The following RPL22L1 variants were observed in gnomAD, a reference collection of about 807,000 sequenced individuals.
RPL22L1 encodes ribosomal protein eL22-like.
A neutral mutation model predicts 17.3 loss-of-function variants in RPL22L1; 19 were observed. The ratio of observed to expected loss-of-function variants is 1.10; its 90% CI spans 0.77 to 1.61. The LOEUF is 1.61. Among genes scored for constraint, RPL22L1 ranks in the 40% most tolerant of loss-of-function variants. RPL22L1 has a pLI of 0.00. For synonymous variants in RPL22L1, 48 were observed against 48.5 expected, an observed-to-expected ratio of 0.99 and a Z score of 0.05; for missense variants, 139 against 144.4, an observed-to-expected ratio of 0.96 and a Z score of 0.19.
chr3:170,868,708 C>T (rs1711866033), intron 1 of RPL22L1, among the ~76,000 whole-genome samples: 1 of 151,138 alleles, frequency 6.6e-6, no homozygotes, highest in Non-Finnish European at 1.5e-5. Flanking sequence ...ACTGCCTAGC[C>T]CAAGCTCAGG....
intron 1 of RPL22L1, 62 bp downstream of exon 1, chr3:170,870,097 T>C: frequency 6.2e-7 from 1 of 1,612,796 alleles, no homozygotes; most frequent in East Asian, 2.2e-5. Flanking sequence ...GATGCAAAAA[T>C]CGTTACAGCG....
chr3:170,866,371 A>C lies in RPL22L1; in HGVS notation c.*9T>G. The C allele has an allele frequency of 6.3e-7, 1 of 1,594,500 alleles. No individual in the cohort carries two copies. Among genetic ancestry groups the C allele is most frequent in the Middle Eastern group, 1.7e-4 (1 of 6,002 alleles). On this transcript the variant is annotated 3_prime_UTR_variant, in exon 4 of 4. Coordinates refer to ENST00000295830, the MANE Select transcript of RPL22L1 (RefSeq NM_001099645.2). The stretch of plus-strand genomic sequence containing the variant: ...TTAATAAGCAAAGCCCTGTAAGGGG[A>C]GCCTTTGCCTAGTCCTCCGACTCTG...
At chr3:170,868,261 C>CCATTATCAAAA in intron 2 of RPL22L1, 37 bp downstream of exon 2, 2 of 1,501,946 alleles carry the variant, frequency 1.3e-6, no homozygotes, top group South Asian at 2.3e-5. Flanking sequence ...ATCAATAACT[C>CCATTATCAAAA]TGATTACAAA....
intron 3 of RPL22L1, 102 bp from the exon 4 acceptor site, chr3:170,866,626 C>A: frequency 1.2e-6 from 1 of 807,098 alleles, no homozygotes. Flanking sequence ...CTTTTCTGTA[C>A]CTAGCTTCCT....
chr3:170,866,067 C>G lies in RPL22L1; in HGVS notation c.*313G>C, dbSNP rs1417619978. 5.9e-6 allele frequency: 1 copy of G among 168,702 alleles called. No individual in the cohort carries two copies. Among genetic ancestry groups the G allele is most frequent in the East Asian group, 1.6e-4 (1 of 6,222 alleles). The allele number at this position is 168,702 out of a possible 1,614,324, so 10.5% of individuals were successfully genotyped here. A position where few individuals can be genotyped will look rare whatever the true frequency, so the allele number is the denominator to read the frequency against. On this transcript the variant is annotated 3_prime_UTR_variant, in exon 4 of 4. Transcript: ENST00000295830. The stretch of plus-strand genomic sequence containing the variant: ...CTATTTAGGAAGCTGAGTCACTGCA[C>G]TCCAGCCTGGGTGACAGAACGAGAG...
chr3:170,865,638 A>G lies in RPL22L1; in HGVS notation c.*742T>C, dbSNP rs921798958. 5 of 152,216 alleles carry G rather than the reference A, an allele frequency of 3.3e-5. No individual in the cohort carries two copies. Among genetic ancestry groups the G allele is most frequent in the African/African-American group, 1.2e-4 (5 of 41,446 alleles). 9.4% of individuals were successfully genotyped at this position (152,216 alleles called of 1,614,324 possible). ...TTGGTTTTGAGTTTCTGGTGCCTAC[A>G]AAGCAGGTGGTTAGGGCTTTCTAAT... On this transcript the variant is annotated 3_prime_UTR_variant, in exon 4 of 4. Coordinates refer to ENST00000295830, the MANE Select transcript of RPL22L1 (RefSeq NM_001099645.2).
chr3:170,867,867 A>G (rs1711828678), intron 3 of RPL22L1, 146 bp downstream of exon 3: 1 of 680,514 alleles, frequency 1.5e-6, no homozygotes, highest in Admixed American at 3.1e-5. Flanking sequence ...ATTGGCACTC[A>G]TTTACTGAAT....
At chr3:170,870,020 T>C (rs1351728347) in intron 1 of RPL22L1, 139 bp downstream of exon 1, 3 of 1,257,476 alleles carry the variant, frequency 2.4e-6, no homozygotes, top group Non-Finnish European at 2.3e-6. Context: ...CGCGTCTTGG[T>C]TGTGTTTCTG....
chr3:170,868,972 T>C lies in RPL22L1; in HGVS notation c.10-582A>G, dbSNP rs545404490. Among the ~76,000 whole-genome samples the C allele has an allele frequency of 2.2e-4, 33 of 151,850 alleles. No homozygotes were observed. The East Asian group carries it at 5.4e-3, about 25-fold the overall frequency. On this transcript the variant is annotated intron_variant, in intron 1 of 3. Coordinates refer to ENST00000295830, the MANE Select transcript of RPL22L1 (RefSeq NM_001099645.2). ...CCCATCTCTAGTAAAAATACAAAAA[T>C]TAGCCAGGTGTGGTGGTGCATGCTT...
chr3:170,869,391 G>T (rs114772708), intron 1 of RPL22L1, among the ~76,000 whole-genome samples: 16 of 152,312 alleles, frequency 1.1e-4, no homozygotes, highest in African/African-American at 3.6e-4. Context: ...AGTTGGCGCA[G>T]AAGTTAATTT....
Position 170,870,184 on chromosome 3 carries a change from G to T in RPL22L1, c.-17C>A. 6.2e-7 allele frequency: 1 copy of T among 1,613,780 alleles called. No individual in the cohort carries two copies. The highest frequency in any genetic ancestry group is 2.2e-5 in the East Asian group (1 of 44,848). On this transcript the variant is annotated 5_prime_UTR_variant, in exon 1 of 4. Transcript: ENST00000295830. The stretch of plus-strand genomic sequence containing the variant: ...CGGCGCCATCTTGCGAGTCGGCCGC[G>T]AGAGCAGAGAGGAAGCTACGGCCGC...
Position 170,868,066 on chromosome 3 carries a change from A to G in RPL22L1, c.171T>C (p.Ile57=), listed in dbSNP as rs780691836. The part of the protein sequence containing the change: ...KTGNLGNVVH[I]ERFKNKITVV... ...CTGTGATTTTATTCTTGAAGCGTTC[A>G]ATGTGAACAACATTCCCGAGATTTC... The change falls in exon 3 of 4, where the codon ATT becomes ATC. Residue 57 remains isoleucine, a synonymous_variant. Coordinates refer to ENST00000295830, the MANE Select transcript of RPL22L1 (RefSeq NM_001099645.2). 1.2e-6 allele frequency: 2 copies of G among 1,605,424 alleles called. No individual in the cohort carries two copies. Among genetic ancestry groups the G allele is most frequent in the Non-Finnish European group, 1.7e-6 (2 of 1,175,062 alleles).
At chr3:170,869,904 C>T in intron 1 of RPL22L1, 1 of 646,568 alleles carries the variant, frequency 1.5e-6, no homozygotes, top group Admixed American at 2.1e-5. Flanking sequence ...TCCCTCTTTC[C>T]CGCGTGTCCA....
At chr3:170,869,702 A>C (rs576183165) in intron 1 of RPL22L1, among the ~76,000 whole-genome samples, 201 of 152,140 alleles carry the variant, frequency 1.3e-3, no homozygotes, top group Middle Eastern at 3.4e-3. Context: ...GAAAGTTCTC[A>C]AAAACTTGTG....
intron 3 of RPL22L1, among the ~76,000 whole-genome samples, chr3:170,866,965 G>C (rs942272791): frequency 6.6e-6 from 1 of 151,894 alleles, no homozygotes; most frequent in African/African-American, 2.4e-5. Flanking sequence ...AAAATTCTTG[G>C]GCTCTCTCTA....
rs748098583 is a variant in RPL22L1, at chr3:170,868,369, T to A, written c.31A>T (p.Arg11Trp). 1 of 1,606,392 alleles carries A rather than the reference T, an allele frequency of 6.2e-7. No individual in the cohort carries two copies. Among genetic ancestry groups the A allele is most frequent in the South Asian group, 1.1e-5 (1 of 90,222 alleles). Residue 11 changes from arginine (R) to tryptophan (W), a missense_variant, in exon 2 of 4, where the codon AGG (arginine) becomes TGG (tryptophan). Physicochemically the swap from Arg to Trp is moderately radical, Grantham distance 101. Transcript: ENST00000295830. The stretch of plus-strand genomic sequence containing the variant: ...TCCAAATTAAACCTCCAGGTTGACC[T>A]CTTGGGCTTCCTGTCTTTCTGCTAC... The part of the protein sequence containing the change: MAPQKDRKPK[R>W]STWRFNLDLT...
At chr3:170,869,360 T>G (rs566520709) in intron 1 of RPL22L1, among the ~76,000 whole-genome samples, 36 of 152,326 alleles carry the variant, frequency 2.4e-4, no homozygotes, top group African/African-American at 7.5e-4. Flanking sequence ...CATGGTAACA[T>G]GTGCCAAAAG....
At position 170,865,239 on chromosome 3, in the gene RPL22L1, T is replaced by G. The variant is rs556262584; in HGVS notation, c.*1141A>C. 1 of 152,212 alleles carries G rather than the reference T, an allele frequency of 6.6e-6. No homozygotes were observed. Among genetic ancestry groups the G allele is most frequent in the Non-Finnish European group, 1.5e-5 (1 of 68,030 alleles). 9.4% of individuals were successfully genotyped at this position (152,212 alleles called of 1,614,324 possible). ...TAATTTCAAGCAATTCCCAAACCAA[T>G]TAATGCATAGATTAGGTTGTAACTG... is the stretch of plus-strand genomic sequence containing the variant. On this transcript the variant is annotated 3_prime_UTR_variant, in exon 4 of 4. Transcript: ENST00000295830.
intron 3 of RPL22L1, 23 bp from the exon 4 acceptor site, chr3:170,866,547 T>G (rs896774777): frequency 2.7e-6 from 4 of 1,496,574 alleles, no homozygotes; most frequent in Non-Finnish European, 3.6e-6. Context: ...AAACATAAAT[T>G]TCATTAAGAA....
Sources: gnomAD v4.1 joint callset for allele counts (sites outside exome capture counted in the v4.1 genomes callset) on GRCh38, gnomAD v4.1.1 for gene constraint, MANE v1.5 for transcripts, NCBI Gene and HGNC (gene_info 2026-07-23, HGNC 2026-07-21) for gene names.